Variants in PITPNM2 observed in about 807,000 individuals in gnomAD.
The protein encoded by PITPNM2 is phosphatidylinositol transfer protein membrane associated 2, also known as membrane-associated phosphatidylinositol transfer protein 2.
A neutral mutation model predicts 132.2 loss-of-function variants in PITPNM2; 35 were observed. The ratio of observed to expected loss-of-function variants is 0.26; its 90% CI spans 0.20 to 0.35. The LOEUF (loss-of-function observed/expected upper bound fraction) is 0.35, where lower values mean the gene tolerates loss of function less well. Among genes scored for constraint, PITPNM2 ranks in the 10% least tolerant of loss-of-function variants. The pLI is 1.00. For synonymous variants in PITPNM2, 738 were observed against 799.2 expected (o/e 0.92, Z 1.29); for missense variants, 1,332 against 1,912.0 (o/e 0.70, Z 5.66).
chr12:123,000,241 C>A lies in PITPNM2; in HGVS notation c.1224+537G>T. On this transcript the variant is annotated intron_variant, in intron 10 of 25. Transcript: ENST00000320201. The surrounding 1 kb of genome is among the most constrained non-coding windows in gnomAD (Gnocchi z 5.4). ...TCCCAGTGCAAACAGCTCTGACGGC[C>A]CGCAGGTGGAGGAGGATGGGGCATG... 3 of 605,122 alleles carry A rather than the reference C, an allele frequency of 5.0e-6. No individual in the cohort carries two copies. Among genetic ancestry groups the A allele is most frequent in the Non-Finnish European group, 8.8e-6 (3 of 340,164 alleles). 37.5% of individuals were successfully genotyped at this position (605,122 alleles called of 1,614,324 possible).
At chr12:123,127,345 C>G (rs565289132) in intron 1 of PITPNM2, among the ~76,000 whole-genome samples, 1 of 152,294 alleles carries the variant, frequency 6.6e-6, no homozygotes, top group African/African-American at 2.4e-5. Context: ...TGTTTCTAAC[C>G]AGAAAATAAG....
rs777592529 is a variant in PITPNM2 at position 122,997,371 on chromosome 12, C to T, written c.1426G>A (p.Val476Met). The change falls in exon 11 of 26, where the codon GTG (valine) becomes ATG (methionine). Residue 476 changes from valine to methionine, a missense_variant. Physicochemically the swap from Val to Met is conservative, Grantham distance 21. Coordinates refer to ENST00000320201, the MANE Select transcript of PITPNM2 (RefSeq NM_020845.3). Reference protein sequence around the residue: ...SALGRLAIRLVPCPPVCSDAF... With the variant: ...SALGRLAIRLMPCPPVCSDAF... ...TCAGAGCAGACGGGCGGGCAGGGCA[C>T]CAGGCGGATGGCAAGGCGGCCCAGG... The T allele has an allele frequency of 2.5e-6, 4 of 1,613,410 alleles. No homozygotes were observed. The highest frequency in any genetic ancestry group is 3.4e-6 in the Non-Finnish European group (4 of 1,179,976).
chr12:123,151,664 C>G (rs564873529), upstream of PITPNM2, among the ~76,000 whole-genome samples: 71 of 152,172 alleles, frequency 4.7e-4, no homozygotes, highest in African/African-American at 1.6e-3. Context: ...AAGAGGATCA[C>G]GAACAGTTTA....
At chr12:123,087,527 G>C (rs979178987) in intron 2 of PITPNM2, 1 of 151,972 alleles carries the variant, frequency 6.6e-6, no homozygotes, top group Admixed American at 6.6e-5. Flanking sequence ...ATGAGCCACC[G>C]TACCTAGCCC....
rs760816212 is a variant in PITPNM2 at position 122,986,293 on chromosome 12, G to A, written c.3784C>T (p.Arg1262Trp). The A allele has an allele frequency of 1.8e-5, 29 of 1,580,534 alleles. No individual in the cohort carries two copies. Among genetic ancestry groups the A allele is most frequent in the Middle Eastern group, 1.7e-4 (1 of 5,982 alleles). ...LAQLKYSHRA[R>W]PARNTATRMA... ...CGGGTGGCCGTGTTGCGAGCGGGCCGCGCCCGGTGGCTGTACTTCAGCTGC... is the reference window on the plus strand; with the variant it reads ...CGGGTGGCCGTGTTGCGAGCGGGCCACGCCCGGTGGCTGTACTTCAGCTGC... The change falls in exon 26 of 26, where the codon CGG becomes TGG. Residue 1262 changes from arginine to tryptophan, a missense_variant. Around this residue, in one of 6 missense-constraint regions of PITPNM2, gnomAD observed 163 missense variants for 177.2 expected, o/e 0.92. Coordinates refer to ENST00000320201, the MANE Select transcript of PITPNM2 (RefSeq NM_020845.3).
chr12:122,992,728 G>T lies in PITPNM2; in HGVS notation c.2234-59C>A. 2.9e-6 allele frequency: 4 copies of T among 1,380,696 alleles called. No homozygotes were observed. The highest frequency in any genetic ancestry group is 3.9e-6 in the Non-Finnish European group (4 of 1,019,816). 85.5% of individuals were successfully genotyped at this position (1,380,696 alleles called of 1,614,324 possible). On this transcript the variant is annotated intron_variant, in intron 15 of 25. Coordinates refer to ENST00000320201, the MANE Select transcript of PITPNM2 (RefSeq NM_020845.3). The surrounding 1 kb of genome is among the most constrained non-coding windows in gnomAD (Gnocchi z 6.5). ...CTGGCCCTGAGGAGCAGTGGTGGGG[G>T]TGGGAAATTTGGGAACTGGGCACTG...
At chr12:123,001,320 T>C (rs913015867) in intron 8 of PITPNM2, among the ~76,000 whole-genome samples, 162 bp from the exon 9 acceptor site, 5 of 152,166 alleles carry the variant, frequency 3.3e-5, no homozygotes, top group Non-Finnish European at 7.4e-5. Flanking sequence ...TTACAAAAAA[T>C]AGTGGTAACA....
In PITPNM2 at chr12:123,092,679, T is replaced by G. The variant is rs183310207; in HGVS notation, c.-96+17706A>C. The stretch of plus-strand genomic sequence containing the variant: ...TGCGGCCTCCTCTAGCAGAGCCACC[T>G]CTGCCTTTGCCATGCCCTCTCCTAA... On this transcript the variant is annotated intron_variant, in intron 2 of 25. Coordinates refer to ENST00000320201, the MANE Select transcript of PITPNM2 (RefSeq NM_020845.3). The G allele has an allele frequency of 4.6e-5, 7 of 152,344 alleles. No homozygotes were observed. In the East Asian group the frequency reaches 1.2e-3, roughly 25 times the overall value. 9.4% of individuals were successfully genotyped at this position (152,344 alleles called of 1,614,324 possible). A position where few individuals can be genotyped will look rare whatever the true frequency, so the allele number is the denominator to read the frequency against.
intron 3 of PITPNM2, among the ~76,000 whole-genome samples, chr12:123,030,803 C>G (rs2040061851): frequency 2.6e-5 from 4 of 152,096 alleles, no homozygotes; most frequent in Non-Finnish European, 5.9e-5. Flanking sequence ...GAATATGATT[C>G]AGCCATAAAA....
chr12:123,028,864 T>C (rs2039965469), intron 3 of PITPNM2, among the ~76,000 whole-genome samples: 1 of 152,024 alleles, frequency 6.6e-6, no homozygotes, highest in South Asian at 2.1e-4. Context: ...AAGAGGGGCA[T>C]TCACACCAGC....
Position 123,095,170 on chromosome 12 carries a change from G to A in PITPNM2, c.-96+15215C>T, listed in dbSNP as rs936509208. ...AGCAGGCTGATTCAGGGCTTGGAAC[G>A]TGGTGAGGGGGCCCAGGGGAATGGG... On this transcript the variant is annotated intron_variant, in intron 2 of 25. Transcript: ENST00000320201. This position sits in a 1 kb window ranked among gnomAD's most constrained non-coding sequence, Gnocchi z 5.0. Among the ~76,000 whole-genome samples the A allele has an allele frequency of 4.6e-5, 7 of 152,158 alleles. No individual in the cohort carries two copies. The highest frequency in any genetic ancestry group is 1.9e-4 in the East Asian group (1 of 5,194).
chr12:123,013,908 G>T lies in PITPNM2; in HGVS notation c.213C>A (p.Ser71Arg). The T allele has an allele frequency of 6.2e-7, 1 of 1,614,278 alleles. No homozygotes were observed. Among genetic ancestry groups the T allele is most frequent in the South Asian group, 1.1e-5 (1 of 91,088 alleles). ...CCTTGGGCAGGATGGAGCGGAACCA[G>T]CTGGGAATGTGCATGCCCACATGAT... Reference protein sequence around the residue: ...KVYHVGMHIPSWFRSILPKAA... With the variant: ...KVYHVGMHIPRWFRSILPKAA... Residue 71 changes from serine to arginine, a missense_variant, in exon 4 of 26, where the codon AGC becomes AGA. Physicochemically the swap from Ser to Arg is moderately radical, Grantham distance 110. This residue lies in a region of PITPNM2 where 83 missense variants were observed against 118.7 expected (regional missense o/e 0.70). Transcript: ENST00000320201.
chr12:123,122,294 C>G (rs2043047587), intron 1 of PITPNM2, among the ~76,000 whole-genome samples: 1 of 152,068 alleles, frequency 6.6e-6, no homozygotes, highest in South Asian at 2.1e-4. Flanking sequence ...GAAACCCCGT[C>G]CCTACTAAAA....
Position 122,994,383 on chromosome 12 carries a change from G to A in PITPNM2, c.2233+418C>T, listed in dbSNP as rs958786983. On this transcript the variant is annotated intron_variant, in intron 15 of 25. Transcript: ENST00000320201. The surrounding 1 kb of genome is among the most constrained non-coding windows in gnomAD (Gnocchi z 5.4). ...CTGCCTGCCCTGGGTAGACAGAGACGCACAGCTGTGGCCCCTCCAGGGCTG... is the reference window on the plus strand; with the variant it reads ...CTGCCTGCCCTGGGTAGACAGAGACACACAGCTGTGGCCCCTCCAGGGCTG... 2.0e-5 allele frequency among the ~76,000 whole-genome samples: 3 copies of A among 152,200 alleles called. No homozygotes were observed. Among genetic ancestry groups the A allele is most frequent in the African/African-American group, 7.2e-5 (3 of 41,442 alleles).
chr12:122,987,459 AC>A (rs1343398648), intron 22 of PITPNM2, 29 bp from the exon 23 acceptor site: 1 of 1,612,860 alleles, frequency 6.2e-7, no homozygotes, highest in South Asian at 1.1e-5. Context: ...GCTCATCAGA[AC>A]CACCCAGAGC....
intron 2 of PITPNM2, among the ~76,000 whole-genome samples, chr12:123,054,114 A>T (rs949936391): frequency 1.3e-5 from 2 of 151,624 alleles, no homozygotes; most frequent in Non-Finnish European, 2.9e-5. Flanking sequence ...ATAATTTTTT[A>T]TTTTTATTTT....
At chr12:122,996,149 T>C (rs2038416969) in intron 13 of PITPNM2, among the ~76,000 whole-genome samples, 1 of 152,220 alleles carries the variant, frequency 6.6e-6, no homozygotes, top group African/African-American at 2.4e-5. Context: ...GCCCAGGCAC[T>C]TTCCTTGACT....
chr12:123,051,968 T>C (rs2040870850), intron 2 of PITPNM2, among the ~76,000 whole-genome samples: 1 of 151,378 alleles, frequency 6.6e-6, no homozygotes, highest in Non-Finnish European at 1.5e-5. Flanking sequence ...CGTGGCGCCA[T>C]CTCGGCTCAT....
chr12:123,124,022 G>A (rs536244919), intron 1 of PITPNM2, among the ~76,000 whole-genome samples: 5 of 152,040 alleles, frequency 3.3e-5, no homozygotes, highest in South Asian at 2.1e-4. Flanking sequence ...TTGGGAGGCC[G>A]ACGCGGGCAG....
Sources: allele counts gnomAD v4.1 joint callset (sites outside exome capture counted in the v4.1 genomes callset), GRCh38; gene constraint gnomAD v4.1.1; regional missense constraint gnomAD v4.1.1; non-coding constraint Gnocchi (gnomAD v3.1); transcripts MANE v1.5; gene names NCBI Gene and HGNC (gene_info 2026-07-23, HGNC 2026-07-21).